Variants in AP3B1 observed in about 807,000 individuals in gnomAD.
AP3B1 encodes AP-3 complex subunit beta-1.
In AP3B1, 61 loss-of-function variants were observed where a neutral mutation model predicts 132.5. That is an observed-to-expected ratio of 0.46 (90% CI 0.37 to 0.57). The LOEUF (loss-of-function observed/expected upper bound fraction) is 0.57, where lower values mean the gene tolerates loss of function less well. Among genes scored for constraint, AP3B1 ranks in the 20% least tolerant of loss-of-function variants. The pLI is 0.00. For missense variants in AP3B1, 1,120 were observed against 1,289.4 expected, an observed-to-expected ratio of 0.87 and a Z score of 2.01; for synonymous variants, 388 against 438.3, an observed-to-expected ratio of 0.89 and a Z score of 1.43.
intron 2 of AP3B1, among the ~76,000 whole-genome samples, chr5:78,250,372 A>G (rs1046798628): frequency 6.6e-6 from 1 of 152,212 alleles, no homozygotes; most frequent in East Asian, 1.9e-4. Flanking sequence ...GACAGAGGGA[A>G]GAGTGCTCTC....
Sources: gnomAD v4.1 joint callset for allele counts (sites outside exome capture counted in the v4.1 genomes callset) on GRCh38, gnomAD v4.1.1 for gene constraint, MANE v1.5 for transcripts, NCBI Gene and HGNC (gene_info 2026-07-23, HGNC 2026-07-21) for gene names.